Variants in SYT8 observed in about 807,000 individuals in gnomAD.
SYT8 encodes the protein synaptotagmin-8.
Under a neutral mutation model 34.9 loss-of-function variants are expected in SYT8, and 50 were observed. The observed-to-expected ratio is 1.43, with a 90% CI of 1.14 to 1.81. The LOEUF is 1.81. Ranked by LOEUF, SYT8 falls within the 40% of genes most tolerant of loss-of-function variation. The probability of loss-of-function intolerance (pLI) is 0.00; values close to 1 mark genes in which losing one functional copy is unlikely to be tolerated. For missense variants in SYT8, 595 were observed against 529.0 expected, an observed-to-expected ratio of 1.12 and a Z score of -1.22; for synonymous variants, 255 against 234.2, an observed-to-expected ratio of 1.09 and a Z score of -0.81.
At chr11:1,835,486 G>C (rs765718738) in intron 2 of SYT8, 27 bp downstream of exon 2, 1 of 1,606,354 alleles carries the variant, frequency 6.2e-7, no homozygotes, top group Non-Finnish European at 8.5e-7. Context: ...TGCTCACTCA[G>C]TCCAGAGAGG....
rs1589791298 is a variant in SYT8 at position 1,836,704 on chromosome 11, C to G, written c.685-52C>G. 10 of 1,596,658 alleles carry G rather than the reference C, an allele frequency of 6.3e-6. No individual in the cohort carries two copies. The East Asian group carries it at 1.8e-4, about 29-fold the overall frequency. ...GCAGCATTTTCGGGGGTCTGAGCCC[C>G]AACTCGGCCAGAATCACCCTCCCGG... is the stretch of plus-strand genomic sequence containing the variant. On this transcript the variant is annotated intron_variant, in intron 5 of 7. Transcript: ENST00000341958.
upstream of SYT8, among the ~76,000 whole-genome samples, chr11:1,832,381 C>T (rs916831521): frequency 3.4e-4 from 52 of 152,316 alleles, 1 homozygote; most frequent in African/African-American, 1.2e-3. Context: ...GAGGGACCGT[C>T]TCCCTTTCCT....
In SYT8 at chr11:1,837,444, CCT is replaced by C. The variant is rs779574235; in HGVS notation, c.*16_*17del. 2.9e-4 allele frequency: 472 copies of C among 1,603,468 alleles called. No homozygotes were observed. The highest frequency in any genetic ancestry group is 3.9e-4 in the Non-Finnish European group (456 of 1,178,732). ...GCCCCACTCCTGAATGCACCACATG[CCT>C]CTGTCTCCCCGCTGAGCCCAGGCAC... On this transcript the variant is annotated 3_prime_UTR_variant, in exon 8 of 8. Transcript: ENST00000341958.
chr11:1,835,070 C>T lies in SYT8; in HGVS notation c.-36C>T, dbSNP rs770138286. On this transcript the variant is annotated 5_prime_UTR_variant, in exon 1 of 8. Coordinates refer to ENST00000341958, the MANE Select transcript of SYT8 (RefSeq NM_001394072.1). ...GCCACCCTCCCAGCTGACCCAGCCT[C>T]CTGGGCCGCTTCTTCCAAACCAGCA... 1 of 1,609,486 alleles carries T rather than the reference C, an allele frequency of 6.2e-7. No homozygotes were observed. The highest frequency in any genetic ancestry group is 8.5e-7 in the Non-Finnish European group (1 of 1,177,474).
upstream of SYT8, chr11:1,834,736 GGA>G: frequency 1.0e-6 from 1 of 968,832 alleles, no homozygotes. The surrounding 1 kb of genome is among the most constrained non-coding windows in gnomAD (Gnocchi z 4.5). Flanking sequence ...AAGCAGGGAG[GGA>G]GAGAGCTTCC....
rs748396569 is a variant in SYT8, at chr11:1,837,340, A to G, written c.1073A>G (p.Gln358Arg). Reference protein sequence around the residue: ...MLAHARRPIAQRHPLRPAREV... With the variant: ...MLAHARRPIARRHPLRPAREV... The stretch of plus-strand genomic sequence containing the variant: ...GCCCACGCCCGGCGGCCCATTGCCC[A>G]GCGGCACCCCCTGCGGCCAGCCAGG... The change falls in exon 8 of 8, where the codon CAG becomes CGG. Residue 358 changes from glutamine (Q) to arginine (R), a missense_variant. Physicochemically the swap from Gln to Arg is conservative, Grantham distance 43. Transcript: ENST00000341958. 6.3e-7 allele frequency: 1 copy of G among 1,593,664 alleles called. No homozygotes were observed. The highest frequency in any genetic ancestry group is 1.1e-5 in the South Asian group (1 of 90,420).
chr11:1,832,910 G>A (rs752540956), upstream of SYT8, among the ~76,000 whole-genome samples: 8 of 152,250 alleles, frequency 5.3e-5, no homozygotes, highest in Middle Eastern at 3.4e-3. Context: ...CCAGCAAAGC[G>A]GGGGCACAGG....
Position 1,836,228 on chromosome 11 carries a change from A to C in SYT8, c.460A>C (p.Thr154Pro), listed in dbSNP as rs1467541849. Reference protein sequence around the residue: ...VSTQAGHRHETKVHRGTLCPV... With the variant: ...VSTQAGHRHEPKVHRGTLCPV... ...CACCCAGGCCGGACACAGACATGAGACAAAAGTGCACCGAGGCACGCTCTG... is the reference window on the plus strand; with the variant it reads ...CACCCAGGCCGGACACAGACATGAGCCAAAAGTGCACCGAGGCACGCTCTG... Residue 154 changes from threonine to proline, a missense_variant, in exon 4 of 8, where the codon ACA (threonine) becomes CCA (proline). Coordinates refer to ENST00000341958, the MANE Select transcript of SYT8 (RefSeq NM_001394072.1). The C allele has an allele frequency of 6.3e-7, 1 of 1,594,466 alleles. No homozygotes were observed. The highest frequency in any genetic ancestry group is 8.5e-7 in the Non-Finnish European group (1 of 1,171,346).
At position 1,835,125 on chromosome 11, in the gene SYT8, C is replaced by A; in HGVS notation, c.20C>A (p.Ser7Tyr). The stretch of plus-strand genomic sequence containing the variant: ...AGAAAGATGGGGCACCCACCAGTCT[C>A]TCCCAGTGCCCCGGCCCCAGCTGGC... MGHPPV[S>Y]PSAPAPAGTT... The change falls in exon 1 of 8, where the codon TCT becomes TAT. Residue 7 changes from serine (S) to tyrosine (Y), a missense_variant. By Grantham distance (144) the Ser-to-Tyr change is moderately radical. Coordinates refer to ENST00000341958, the MANE Select transcript of SYT8 (RefSeq NM_001394072.1). 3.7e-6 allele frequency: 6 copies of A among 1,613,340 alleles called. No homozygotes were observed. The highest frequency in any genetic ancestry group is 5.1e-6 in the Non-Finnish European group (6 of 1,179,918).
chr11:1,835,852 A>G (rs778505915), intron 2 of SYT8, 34 bp from the exon 3 acceptor site: 4 of 1,570,638 alleles, frequency 2.5e-6, no homozygotes, highest in Non-Finnish European at 3.5e-6. Context: ...GCATGATGTC[A>G]GCACCACCTG....
chr11:1,836,710 G>T (rs752845429), intron 5 of SYT8, 46 bp from the exon 6 acceptor site: 2 of 1,598,536 alleles, frequency 1.3e-6, no homozygotes, highest in African/African-American at 1.3e-5. Context: ...GCCCCAACTC[G>T]GCCAGAATCA....
rs766010855 is a variant in SYT8, at chr11:1,836,819, G to A, written c.748G>A (p.Val250Met). 5.6e-6 allele frequency: 9 copies of A among 1,611,492 alleles called. No individual in the cohort carries two copies. The highest frequency in any genetic ancestry group is 4.4e-5 in the South Asian group (4 of 91,090). ...RYVPSSGRLTVVVLEARGLRP... is the reference protein window; with the variant it reads ...RYVPSSGRLTMVVLEARGLRP... ...CGTGCCCAGCTCAGGCCGGCTGACCGTGGTGGTGCTGGAGGCTCGAGGCCT... is the reference window on the plus strand; with the variant it reads ...CGTGCCCAGCTCAGGCCGGCTGACCATGGTGGTGCTGGAGGCTCGAGGCCT... The change falls in exon 6 of 8, where the codon GTG becomes ATG. Residue 250 changes from valine to methionine, a missense_variant. By Grantham distance (21) the Val-to-Met change is conservative. Transcript: ENST00000341958.
In SYT8 at chr11:1,836,415, G is replaced by T. The variant is rs751765367; in HGVS notation, c.517-10G>T. 20 of 1,537,928 alleles carry T rather than the reference G, an allele frequency of 1.3e-5. No homozygotes were observed. Among genetic ancestry groups the T allele is most frequent in the Non-Finnish European group, 1.8e-5 (20 of 1,142,638 alleles). ...AGGGCAGCAGGGCCTGGCTCACGCCGCTGCCTCAGATCCCGCAGGCGGAGC... is the reference window on the plus strand; with the variant it reads ...AGGGCAGCAGGGCCTGGCTCACGCCTCTGCCTCAGATCCCGCAGGCGGAGC... On this transcript the variant is annotated splice_polypyrimidine_tract_variant and intron_variant, in intron 4 of 7. Transcript: ENST00000341958.
chr11:1,837,506 A>C lies in SYT8; in HGVS notation c.*75A>C. ...CCGCCCTGCAGGACCACTGCAATAA[A>C]CGCCTTCTCCTGCCACTGTGTGTCC... On this transcript the variant is annotated 3_prime_UTR_variant, in exon 8 of 8. Transcript: ENST00000341958. 1 of 1,554,464 alleles carries C rather than the reference A, an allele frequency of 6.4e-7. No homozygotes were observed.
chr11:1,836,998 T>C lies in SYT8; in HGVS notation c.832T>C (p.Trp278Arg), dbSNP rs1414109048. The stretch of plus-strand genomic sequence containing the variant: ...CCAGCTCATGCTGAACCAGAGGAAG[T>C]GGAAGAAGAGAAAGACAGCCACCAA... Reference protein sequence around the residue: ...KVQLMLNQRKWKKRKTATKKG... With the variant: ...KVQLMLNQRKRKKRKTATKKG... The change falls in exon 7 of 8, where the codon TGG becomes CGG. Residue 278 changes from tryptophan (W) to arginine (R), a missense_variant. By Grantham distance (101) the Trp-to-Arg change is moderately radical. Transcript: ENST00000341958. The C allele has an allele frequency of 6.2e-7, 1 of 1,613,498 alleles. No homozygotes were observed. The highest frequency in any genetic ancestry group is 2.2e-5 in the East Asian group (1 of 44,872).
chr11:1,837,295 A>G lies in SYT8; in HGVS notation c.1028A>G (p.Gln343Arg). ...GCCCGGGCCTCGGGGCAGCCCCTGC[A>G]GCACTGGGCAGACATGCTGGCCCAC... Reference protein sequence around the residue: ...LGARASGQPLQHWADMLAHAR... With the variant: ...LGARASGQPLRHWADMLAHAR... The change falls in exon 8 of 8, where the codon CAG becomes CGG. Residue 343 changes from glutamine (Q) to arginine (R), a missense_variant. Transcript: ENST00000341958. 1.3e-6 allele frequency: 2 copies of G among 1,589,928 alleles called. No individual in the cohort carries two copies. The highest frequency in any genetic ancestry group is 1.7e-6 in the Non-Finnish European group (2 of 1,173,174).
intron 4 of SYT8, 49 bp from the exon 5 acceptor site, chr11:1,836,376 G>C: frequency 6.7e-7 from 1 of 1,502,566 alleles, no homozygotes; most frequent in Non-Finnish European, 8.9e-7. Flanking sequence ...TGGGCAGCTG[G>C]GTGGGCCTGA....
At chr11:1,832,541 GC>G (rs1333103746), upstream of SYT8, among the ~76,000 whole-genome samples, 1 of 152,154 alleles carries the variant, frequency 6.6e-6, no homozygotes, top group Non-Finnish European at 1.5e-5. Context: ...AGACCCGAGA[GC>G]CCCCAGCGCC....
chr11:1,836,028 C>A (rs531915999), intron 3 of SYT8, 44 bp downstream of exon 3: 1 of 1,589,374 alleles, frequency 6.3e-7, no homozygotes, highest in African/African-American at 1.4e-5. Context: ...TGCGAGTTTC[C>A]GGAAAGGGTG....
Sources: gnomAD v4.1 joint callset for allele counts (sites outside exome capture counted in the v4.1 genomes callset) on GRCh38, gnomAD v4.1.1 for gene constraint, Gnocchi (gnomAD v3.1) non-coding constraint, MANE v1.5 for transcripts, NCBI Gene and HGNC (gene_info 2026-07-23, HGNC 2026-07-21) for gene names.